The following PRPF6 variants were observed in gnomAD, a reference collection of about 807,000 sequenced individuals.
PRPF6 encodes the protein pre-mRNA-processing factor 6.
Under a neutral mutation model 118.3 loss-of-function variants are expected in PRPF6, and 42 were observed. The observed-to-expected ratio is 0.35, with a 90% CI of 0.28 to 0.46. The LOEUF is 0.46. Among genes scored for constraint, PRPF6 ranks in the 20% least tolerant of loss-of-function variants. The pLI, the probability that PRPF6 is intolerant of heterozygous loss-of-function variation, is 1.00. For missense variants in PRPF6, 662 were observed against 1,255.7 expected (o/e 0.53, Z 7.15); for synonymous variants, 481 against 485.1 (o/e 0.99, Z 0.11).
chr20:64,030,965 C>T (rs1173263431), intron 19 of PRPF6, among the ~76,000 whole-genome samples: 2 of 152,242 alleles, frequency 1.3e-5, no homozygotes, highest in Non-Finnish European at 2.9e-5. Flanking sequence ...CGCAGAGTCC[C>T]GGGCCTGCCA....
chr20:63,982,929 C>A, intron 1 of PRPF6, 118 bp from the exon 2 acceptor site: 2 of 1,235,058 alleles, frequency 1.6e-6, no homozygotes, highest in Non-Finnish European at 2.3e-6. Context: ...TCACCAGGAT[C>A]TTTGGAGGTT....
At position 63,995,552 on chromosome 20, in the gene PRPF6, C is replaced by G; in HGVS notation, c.771+70C>G. 3.2e-6 allele frequency: 5 copies of G among 1,566,130 alleles called. 1 individual carries two copies. The South Asian group carries it at 5.6e-5, about 18-fold the overall frequency. ...TTTAATTTTGTTTTGTTTTCTTTTT[C>G]TCCTTCTTCTTCTTCTCCTTTTTCT... On this transcript the variant is annotated intron_variant, in intron 6 of 20. Transcript: ENST00000266079.
chr20:64,025,606 G>A (rs987370520), intron 14 of PRPF6, among the ~76,000 whole-genome samples: 1 of 152,186 alleles, frequency 6.6e-6, no homozygotes, highest in Non-Finnish European at 1.5e-5. Context: ...TATAGGATGC[G>A]AGTGCCCCAT....
At chr20:64,019,872 G>A (rs1034315163) in intron 12 of PRPF6, among the ~76,000 whole-genome samples, 3 of 152,278 alleles carry the variant, frequency 2.0e-5, no homozygotes, top group Middle Eastern at 3.4e-3. Context: ...CCCACTCCTC[G>A]TCCTCCTGAC....
chr20:63,983,176 C>T lies in PRPF6; in HGVS notation c.201C>T (p.Asp67=), dbSNP rs774903894. 49 of 1,614,054 alleles carry T rather than the reference C, an allele frequency of 3.0e-5. No individual in the cohort carries two copies. The highest frequency in any genetic ancestry group is 1.2e-4 in the Admixed American group (7 of 59,996). The change falls in exon 2 of 21, where the codon GAC becomes GAT. Residue 67 remains aspartate (D), a synonymous_variant. Coordinates refer to ENST00000266079, the MANE Select transcript of PRPF6 (RefSeq NM_012469.4). ...GDQMKKNQAA[D]DDDEDLNDTN... is the part of the protein sequence containing the mutation. ...AGATGAAGAAAAATCAGGCTGCTGACGATGACGACGAGGATCTAAATGACA... is the reference window on the plus strand; with the variant it reads ...AGATGAAGAAAAATCAGGCTGCTGATGATGACGACGAGGATCTAAATGACA...
chr20:63,981,291 G>T lies in PRPF6; in HGVS notation c.46G>T (p.Gly16Cys). 1 of 1,607,096 alleles carries T rather than the reference G, an allele frequency of 6.2e-7. No individual in the cohort carries two copies. Among genetic ancestry groups the T allele is most frequent in the South Asian group, 1.1e-5 (1 of 90,050 alleles). ...KPFLGMPAPL[G>C]YVPGLGRGAT... ...GTTCCTAGGGATGCCCGCGCCCCTC[G>T]GCTACGTGCCGGGGCTGGGCCGGGG... Residue 16 changes from glycine to cysteine, a missense_variant, in exon 1 of 21, where the codon GGC (glycine) becomes TGC (cysteine). Coordinates refer to ENST00000266079, the MANE Select transcript of PRPF6 (RefSeq NM_012469.4).
chr20:64,032,833 C>A lies in PRPF6; in HGVS notation c.2674-8C>A, dbSNP rs1378938492. On this transcript the variant is annotated splice_region_variant and splice_polypyrimidine_tract_variant and intron_variant, in intron 20 of 20. Transcript: ENST00000266079. ...ACCCCTGCCTGACGTGCCCTGTGGT[C>A]CCCCCAGGAGCAGCAGGAGGAGGTG... 6.2e-7 allele frequency: 1 copy of A among 1,603,230 alleles called. No individual in the cohort carries two copies. Among genetic ancestry groups the A allele is most frequent in the Admixed American group, 1.7e-5 (1 of 58,594 alleles).
Position 64,017,601 on chromosome 20 carries a change from G to A in PRPF6, c.1647+756G>A, listed in dbSNP as rs1239704300. ...TGAGCTGCCGCGCCCGGCCTCCCAC[G>A]GTGCTGGGATCACAGGCATGAGCCG... On this transcript the variant is annotated intron_variant, in intron 12 of 20. Transcript: ENST00000266079. Among the ~76,000 whole-genome samples the A allele has an allele frequency of 6.7e-5, 6 of 89,278 alleles. No homozygotes were observed. The South Asian group carries it at 1.1e-3, about 17-fold the overall frequency. 58.6% of individuals were successfully genotyped at this position (89,278 alleles called of 152,430 possible).
At chr20:64,024,801 T>C in intron 14 of PRPF6, 108 bp downstream of exon 14, 1 of 1,486,886 alleles carries the variant, frequency 6.7e-7, no homozygotes, top group Non-Finnish European at 9.1e-7. Context: ...CGTGCTGTTG[T>C]TGGGGTGCAC....
At chr20:63,995,748 C>T (rs2059138649) in intron 6 of PRPF6, among the ~76,000 whole-genome samples, 1 of 151,848 alleles carries the variant, frequency 6.6e-6, no homozygotes, top group African/African-American at 2.4e-5. Context: ...CCTCCACCTC[C>T]TGGGTTCAAG....
At position 64,011,430 on chromosome 20, in the gene PRPF6, A is replaced by C. The variant is rs2059216772; in HGVS notation, c.1451A>C (p.Glu484Ala). The C allele has an allele frequency of 3.7e-6, 6 of 1,614,222 alleles. No individual in the cohort carries two copies. Among genetic ancestry groups the C allele is most frequent in the Non-Finnish European group, 3.4e-6 (4 of 1,180,048 alleles). Residue 484 changes from glutamate to alanine, a missense_variant, in exon 11 of 21, where the codon GAG becomes GCG. Glu to Ala is a moderately radical substitution (Grantham distance 107). Coordinates refer to ENST00000266079, the MANE Select transcript of PRPF6 (RefSeq NM_012469.4). The surrounding 1 kb of genome is among the most constrained non-coding windows in gnomAD (Gnocchi z 6.7). ...EEANGNTQMV[E>A]KIIDRAITSL... Reference sequence around the variant, plus strand: ...GCCAATGGGAACACGCAGATGGTGGAGAAGATCATCGACCGAGCCATCACC... The same window carrying C: ...GCCAATGGGAACACGCAGATGGTGGCGAAGATCATCGACCGAGCCATCACC...
chr20:64,029,691 A>T lies in PRPF6; in HGVS notation c.2546+200A>T, dbSNP rs1488917320. ...ACACACCTGAGGGTGCCGTGGTCAG[A>T]GACTCACTGGGGACGCATGTGATTC... On this transcript the variant is annotated intron_variant, in intron 19 of 20. Transcript: ENST00000266079. This position sits in a 1 kb window ranked among gnomAD's most constrained non-coding sequence, Gnocchi z 4.8. Among the ~76,000 whole-genome samples, 1 of 112,592 alleles carries T rather than the reference A, an allele frequency of 8.9e-6. No individual in the cohort carries two copies. The highest frequency in any genetic ancestry group is 2.0e-5 in the Non-Finnish European group (1 of 49,310). 73.9% of individuals were successfully genotyped at this position (112,592 alleles called of 152,430 possible).
In PRPF6 at chr20:64,021,988, CTGTGTG is replaced by C. The variant is rs111363019; in HGVS notation, c.1648-746_1648-741del. ...GTATGCATATGCCTCGGCCACAGCCCTGTGTGTGTGTGTGTGTGTGTGTGTGTGCAT... is the reference window on the plus strand; with the variant it reads ...GTATGCATATGCCTCGGCCACAGCCCTGTGTGTGTGTGTGTGTGTGTGCAT... On this transcript the variant is annotated intron_variant, in intron 12 of 20. Transcript: ENST00000266079. Among the ~76,000 whole-genome samples, 365 of 135,836 alleles carry C rather than the reference CTGTGTG, an allele frequency of 2.7e-3. 3 individuals are homozygous for C. Among genetic ancestry groups the C allele is most frequent in the African/African-American group, 8.7e-3 (304 of 34,828 alleles). 89.1% of individuals were successfully genotyped at this position (135,836 alleles called of 152,430 possible).
chr20:64,027,590 T>C lies in PRPF6; in HGVS notation c.2206-13T>C. ...GACACCACCTGAGCTGCTCTCTTAC[T>C]TGTTGGTTGCAGTTGAAGAAGTGTC... On this transcript the variant is annotated splice_polypyrimidine_tract_variant and intron_variant, in intron 16 of 20. Transcript: ENST00000266079. This position sits in a 1 kb window ranked among gnomAD's most constrained non-coding sequence, Gnocchi z 6.5. The C allele has an allele frequency of 1.2e-6, 2 of 1,614,068 alleles. No homozygotes were observed. The highest frequency in any genetic ancestry group is 2.2e-5 in the East Asian group (1 of 44,886).
intron 7 of PRPF6, 26 bp downstream of exon 7, chr20:63,999,165 C>G (rs2059154491): frequency 1.3e-6 from 2 of 1,595,524 alleles, no homozygotes; most frequent in South Asian, 2.2e-5. Context: ...AATCGCTGGG[C>G]TGGGATGGAG....
At position 63,999,221 on chromosome 20, in the gene PRPF6, T is replaced by C. The variant is rs2123019786; in HGVS notation, c.866+82T>C. On this transcript the variant is annotated intron_variant, in intron 7 of 20. Transcript: ENST00000266079. ...TTTGGATTTTATATGGACAGTATGCTGTCAAAATGGGACATGGCGGTTCTA... is the reference window on the plus strand; with the variant it reads ...TTTGGATTTTATATGGACAGTATGCCGTCAAAATGGGACATGGCGGTTCTA... The C allele has an allele frequency of 2.6e-6, 3 of 1,144,148 alleles. No homozygotes were observed. In the East Asian group the frequency reaches 7.1e-5, roughly 27 times the overall value. The allele number at this position is 1,144,148 out of a possible 1,614,324, so 70.9% of individuals were successfully genotyped here.
intron 2 of PRPF6, among the ~76,000 whole-genome samples, chr20:63,984,569 G>A (rs1284651834): frequency 2.6e-5 from 4 of 152,186 alleles, no homozygotes; most frequent in Admixed American, 6.5e-5. Context: ...AAACGAAGGA[G>A]TTAACATTGA....
At chr20:64,007,371 C>A (rs2059194933) in intron 9 of PRPF6, among the ~76,000 whole-genome samples, 2 of 147,616 alleles carry the variant, frequency 1.4e-5, no homozygotes, top group African/African-American at 2.5e-5. Flanking sequence ...CTCTCCCCTC[C>A]CCGCCTCCCC....
chr20:64,027,253 G>A lies in PRPF6; in HGVS notation c.2205+95G>A. The stretch of plus-strand genomic sequence containing the variant: ...GGTCATTGCCCTTCGCCTCTGAGGA[G>A]ATGTGGAGGGCTGGGGGTTACAGCT... On this transcript the variant is annotated intron_variant, in intron 16 of 20. Transcript: ENST00000266079. This position sits in a 1 kb window ranked among gnomAD's most constrained non-coding sequence, Gnocchi z 6.5. 4 of 1,478,464 alleles carry A rather than the reference G, an allele frequency of 2.7e-6. No homozygotes were observed. The South Asian group carries it at 4.7e-5, about 17-fold the overall frequency. 91.6% of individuals were successfully genotyped at this position (1,478,464 alleles called of 1,614,324 possible). A position where few individuals can be genotyped will look rare whatever the true frequency, so the allele number is the denominator to read the frequency against.
Sources: allele counts gnomAD v4.1 joint callset (sites outside exome capture counted in the v4.1 genomes callset), GRCh38; gene constraint gnomAD v4.1.1; non-coding constraint Gnocchi (gnomAD v3.1); transcripts MANE v1.5; gene names NCBI Gene and HGNC (gene_info 2026-07-23, HGNC 2026-07-21).